The following CTNNA2 variants were observed in gnomAD, a reference collection of about 807,000 sequenced individuals.
CTNNA2 encodes catenin alpha 2.
In CTNNA2, 42 loss-of-function variants were observed where a neutral mutation model predicts 101.0. The ratio of observed to expected loss-of-function variants is 0.42; its 90% CI spans 0.32 to 0.54. The LOEUF (loss-of-function observed/expected upper bound fraction) is 0.54, where lower values mean the gene tolerates loss of function less well. Ranked by LOEUF, CTNNA2 falls within the 20% of genes least tolerant of loss-of-function variation. CTNNA2 has a pLI of 0.14. For missense variants in CTNNA2, 871 were observed against 1,223.1 expected, an observed-to-expected ratio of 0.71 and a Z score of 4.29; for synonymous variants, 450 against 456.4, an observed-to-expected ratio of 0.99 and a Z score of 0.18.
intron 2 of CTNNA2, among the ~76,000 whole-genome samples, chr2:79,251,974 T>A (rs561958178): frequency 2.0e-5 from 3 of 152,326 alleles, no homozygotes; most frequent in Non-Finnish European, 4.4e-5. Context: ...GGGGCAGGAA[T>A]AATACACAGT....
chr2:80,177,757 A>G (rs1705488442), intron 7 of CTNNA2, among the ~76,000 whole-genome samples: 1 of 152,096 alleles, frequency 6.6e-6, no homozygotes, highest in Admixed American at 6.5e-5. Flanking sequence ...CCATCTATAT[A>G]CCTCTTCCCC....
intron 18 of CTNNA2, among the ~76,000 whole-genome samples, chr2:80,625,514 C>A (rs17019518): frequency 0.36 from 54,790 of 151,802 alleles, 10,578 homozygotes; most frequent in East Asian, 0.45. Flanking sequence ...TATTCTCCAA[C>A]AGCATGGTGT....
At chr2:80,066,786 C>G (rs992810188) in intron 7 of CTNNA2, among the ~76,000 whole-genome samples, 9 of 152,142 alleles carry the variant, frequency 5.9e-5, no homozygotes, top group Admixed American at 1.3e-4. Context: ...ATATGCACTT[C>G]CATGTTCATT....
intron 9 of CTNNA2, among the ~76,000 whole-genome samples, chr2:80,466,634 G>A (rs980316173): frequency 2.0e-5 from 3 of 152,216 alleles, no homozygotes; most frequent in African/African-American, 4.8e-5. Context: ...ACTTCAATTT[G>A]CAATGTTCAC....
intron 4 of CTNNA2, among the ~76,000 whole-genome samples, chr2:79,467,511 C>T (rs1670952131): frequency 6.6e-6 from 1 of 152,106 alleles, no homozygotes; most frequent in Admixed American, 6.6e-5. Flanking sequence ...CATTTAAATT[C>T]AGGAAATACA....
intron 7 of CTNNA2, among the ~76,000 whole-genome samples, chr2:80,198,352 T>G (rs1310188974): frequency 1.3e-5 from 2 of 152,178 alleles, no homozygotes; most frequent in African/African-American, 4.8e-5. Context: ...TCAAAGTGAT[T>G]AAATTCTGGA....
chr2:80,509,821 C>CTCCTTGGAGTCCAATAGCCT (rs1385165134), intron 9 of CTNNA2, among the ~76,000 whole-genome samples: 1 of 152,156 alleles, frequency 6.6e-6, no homozygotes, highest in Non-Finnish European at 1.5e-5. Flanking sequence ...AGAGCTTGGA[C>CTCCTTGGAGTCCAATAGCCT]TGGAACGCAG....
At chr2:80,009,512 A>G (rs906201784) in intron 7 of CTNNA2, among the ~76,000 whole-genome samples, 14 of 152,196 alleles carry the variant, frequency 9.2e-5, no homozygotes, top group African/African-American at 2.7e-4. Flanking sequence ...GTACTTCGCA[A>G]TATTCCCAAA....
intron 4 of CTNNA2, among the ~76,000 whole-genome samples, chr2:79,427,968 T>A (rs1308530654): frequency 6.6e-6 from 1 of 152,148 alleles, no homozygotes. Context: ...ACATCTGACA[T>A]CATTTGTCTT....
chr2:79,650,480 A>G (rs887541773), intron 1 of CTNNA2, among the ~76,000 whole-genome samples: 2 of 152,066 alleles, frequency 1.3e-5, no homozygotes, highest in Non-Finnish European at 2.9e-5. Flanking sequence ...TGAAGAAAAA[A>G]GTAGCCTTTT....
rs114807524 is a variant in CTNNA2 at position 80,529,031 on chromosome 2, C to T, written c.1291-15951C>T. On this transcript the variant is annotated intron_variant, in intron 9 of 18. Transcript: ENST00000402739. ...CAACCAGAAAGGAACTTGGGAAATACGAGCAGAGATGGCTTCCTTGATCAG... is the reference window on the plus strand; with the variant it reads ...CAACCAGAAAGGAACTTGGGAAATATGAGCAGAGATGGCTTCCTTGATCAG... 1.1e-3 allele frequency among the ~76,000 whole-genome samples: 166 copies of T among 152,252 alleles called. 1 individual carries two copies. The highest frequency in any genetic ancestry group is 3.7e-3 in the African/African-American group (154 of 41,560).
rs550204890 is a variant in CTNNA2, at chr2:79,916,251, C to T, written c.1056+6454C>T. Among the ~76,000 whole-genome samples the T allele has an allele frequency of 2.1e-3, 315 of 152,186 alleles. 1 individual carries two copies. Among genetic ancestry groups the T allele is most frequent in the African/African-American group, 6.8e-3 (284 of 41,530 alleles). On this transcript the variant is annotated intron_variant, in intron 7 of 18. Coordinates refer to ENST00000402739, the MANE Select transcript of CTNNA2 (RefSeq NM_001282597.3). Reference sequence around the variant, plus strand: ...TGTTGCCCATACCTTTGCCTAATGGCCCTGCATTCTAACGCAAAATTAAGA... The same window carrying T: ...TGTTGCCCATACCTTTGCCTAATGGTCCTGCATTCTAACGCAAAATTAAGA...
At chr2:79,730,069 G>C (rs952508429) in intron 2 of CTNNA2, among the ~76,000 whole-genome samples, 7 of 152,016 alleles carry the variant, frequency 4.6e-5, no homozygotes, top group Non-Finnish European at 1.0e-4. Flanking sequence ...TGTAAAATGA[G>C]ACAAATATGT....
chr2:80,406,826 CAAAAA>C (rs56793591), intron 8 of CTNNA2, among the ~76,000 whole-genome samples: 2 of 63,978 alleles, frequency 3.1e-5, no homozygotes, highest in African/African-American at 8.5e-5. Context: ...GACTCCATCT[CAAAAA>C]AAAAAAAAAA....
At chr2:80,055,503 C>T (rs546970272) in intron 7 of CTNNA2, among the ~76,000 whole-genome samples, 3 of 152,110 alleles carry the variant, frequency 2.0e-5, no homozygotes, top group Non-Finnish European at 2.9e-5. Context: ...ATTGGACCCA[C>T]GAAGTTGATT....
At chr2:79,886,643 CG>C (rs939093949) in intron 6 of CTNNA2, among the ~76,000 whole-genome samples, 1 of 139,438 alleles carries the variant, frequency 7.2e-6, no homozygotes, top group African/African-American at 2.7e-5. Flanking sequence ...CCCAGCTACT[CG>C]GGAGGCTGAG....
At chr2:79,219,834 G>C (rs558715577) in intron 2 of CTNNA2, among the ~76,000 whole-genome samples, 3 of 152,282 alleles carry the variant, frequency 2.0e-5, no homozygotes, top group South Asian at 2.1e-4. Flanking sequence ...ATTTGGGATA[G>C]AGACATCCTT....
rs529267318 is a variant in CTNNA2, at chr2:80,219,439, C to A, written c.1057-173772C>A. Among the ~76,000 whole-genome samples the A allele has an allele frequency of 5.9e-5, 9 of 152,272 alleles. No homozygotes were observed. In the South Asian group the frequency reaches 1.9e-3, roughly 32 times the overall value. On this transcript the variant is annotated intron_variant, in intron 7 of 18. Transcript: ENST00000402739. The stretch of plus-strand genomic sequence containing the variant: ...AAATAATTTCTTTTATATATTTTCA[C>A]ATTTGATTCAACCTCTTTGAATCCC...
At chr2:79,500,191 A>G (rs2103802072) in intron 4 of CTNNA2, among the ~76,000 whole-genome samples, 1 of 152,358 alleles carries the variant, frequency 6.6e-6, no homozygotes, top group East Asian at 1.9e-4. Context: ...AAATTCCTCA[A>G]AGCCCCTATT....
Sources: allele counts gnomAD v4.1 joint callset (sites outside exome capture counted in the v4.1 genomes callset), GRCh38; gene constraint gnomAD v4.1.1; transcripts MANE v1.5; gene names NCBI Gene and HGNC (gene_info 2026-07-23, HGNC 2026-07-21).